Variants in CATSPERG observed in about 807,000 individuals in gnomAD.
CATSPERG encodes cation channel sperm-associated auxiliary subunit gamma.
CATSPERG carries 115 observed loss-of-function variants against 145.0 expected under a neutral mutation model. The ratio of observed to expected loss-of-function variants is 0.79; its 90% CI spans 0.68 to 0.93. CATSPERG has a LOEUF of 0.93. Ranked by LOEUF, CATSPERG falls within the 40% of genes least tolerant of loss-of-function variation. The probability of loss-of-function intolerance (pLI) is 0.00; values close to 1 mark genes in which losing one functional copy is unlikely to be tolerated. For synonymous variants in CATSPERG, 588 were observed against 589.0 expected (o/e 1.00, Z 0.02); for missense variants, 1,296 against 1,490.1 (o/e 0.87, Z 2.14).
intron 20 of CATSPERG, 39 bp downstream of exon 20, chr19:38,362,871 GTTTTT>G (rs553363428): frequency 3.2e-3 from 1,427 of 451,372 alleles, no homozygotes; most frequent in Middle Eastern, 3.8e-3. Context: ...GGGAGGTTTT[GTTTTT>G]TTTTTTTTTT....
At position 38,362,420 on chromosome 19, in the gene CATSPERG, C is replaced by A; in HGVS notation, c.2202C>A (p.Gly734=). 1 of 1,614,112 alleles carries A rather than the reference C, an allele frequency of 6.2e-7. No individual in the cohort carries two copies. The highest frequency in any genetic ancestry group is 8.5e-7 in the Non-Finnish European group (1 of 1,180,032). Residue 734 remains glycine, a synonymous_variant, in exon 19 of 29, where the codon GGC becomes GGA. Coordinates refer to ENST00000409235, the MANE Select transcript of CATSPERG (RefSeq NM_021185.5). ...CGAGCAATTGGCGAAGCGCGGGCGG[C>A]GTGTCCATAGAAATGGACAGCTACG... ...FLASNWRSAG[G]VSIEMDSYEK...
At chr19:38,357,353 A>T (rs1347196679) in intron 11 of CATSPERG, among the ~76,000 whole-genome samples, 3 of 144 alleles carry the variant, frequency 0.021, no homozygotes, top group Non-Finnish European at 0.045. Flanking sequence ...TCTACAAATT[A>T]AAAAAAAAAA....
At chr19:38,346,775 AGGTTCAAACCCT>A in intron 7 of CATSPERG, 170 bp downstream of exon 7, 1 of 651,026 alleles carries the variant, frequency 1.5e-6, no homozygotes, top group Non-Finnish European at 2.4e-6. Flanking sequence ...CAGAGGGCCT[AGGTTCAAACCCT>A]GGTTCTGCCA....
chr19:38,367,892 A>G, intron 25 of CATSPERG, 116 bp downstream of exon 25: 2 of 1,190,942 alleles, frequency 1.7e-6, no homozygotes, highest in Non-Finnish European at 2.5e-6. Flanking sequence ...CCCTGCCCAC[A>G]GTGGGGCTCT....
chr19:38,352,683 G>T (rs941498443), intron 8 of CATSPERG, among the ~76,000 whole-genome samples: 3 of 149,738 alleles, frequency 2.0e-5, no homozygotes, highest in Non-Finnish European at 4.4e-5. Context: ...AAGAGGGGGT[G>T]CGAGAGTAAA....
intron 7 of CATSPERG, among the ~76,000 whole-genome samples, chr19:38,351,920 C>T (rs1199604108): frequency 1.3e-5 from 2 of 152,050 alleles, no homozygotes; most frequent in Admixed American, 6.6e-5. Flanking sequence ...AAAAAATGTC[C>T]CTTGGGGCGA....
rs1384695874 is a variant in CATSPERG at position 38,337,329 on chromosome 19, C to T, written c.95C>T (p.Ser32Leu). 14 of 1,551,404 alleles carry T rather than the reference C, an allele frequency of 9.0e-6. No individual in the cohort carries two copies. In the East Asian group the frequency reaches 3.4e-4, roughly 38 times the overall value. Residue 32 changes from serine (S) to leucine (L), a missense_variant, in exon 2 of 29, where the codon TCG (serine) becomes TTG (leucine). Ser to Leu is a moderately radical substitution (Grantham distance 145, BLOSUM62 -2). Coordinates refer to ENST00000409235, the MANE Select transcript of CATSPERG (RefSeq NM_021185.5). ...LWALLAVLLA[S>L]WRLWAIKDFQ... ...GCCCTGCTGGCAGTGCTCCTGGCGT[C>T]GTGGAGGCTGTGGGCGATCAAGGAT... is the stretch of plus-strand genomic sequence containing the variant.
chr19:38,360,179 G>A (rs1970319476), intron 14 of CATSPERG: 2 of 985,284 alleles, frequency 2.0e-6, no homozygotes, highest in African/African-American at 1.7e-5. Context: ...TCGGCTCTAG[G>A]AACCGTGGCT....
At position 38,359,574 on chromosome 19, in the gene CATSPERG, CGGA is replaced by C; in HGVS notation, c.1607_1608+1del. On this transcript the variant is annotated inframe_deletion, in exon 14 of 29. Coordinates refer to ENST00000409235, the MANE Select transcript of CATSPERG (RefSeq NM_021185.5). ...GGGGCTGTGGCTATTGTCACAGAGA[CGGA>C]GGAGGTGGGCTGCCCCGCCCCTCTC... is the stretch of plus-strand genomic sequence containing the variant. 1 of 1,612,254 alleles carries C rather than the reference CGGA, an allele frequency of 6.2e-7. No homozygotes were observed. The highest frequency in any genetic ancestry group is 8.5e-7 in the Non-Finnish European group (1 of 1,179,128).
At chr19:38,356,197 A>T (rs1329011631) in intron 9 of CATSPERG, among the ~76,000 whole-genome samples, 1 of 152,174 alleles carries the variant, frequency 6.6e-6, no homozygotes, top group Non-Finnish European at 1.5e-5. Flanking sequence ...CGCCAAGAGA[A>T]TGAAGACAGC....
At chr19:38,346,140 G>T (rs757897726) in intron 6 of CATSPERG, among the ~76,000 whole-genome samples, 34 of 152,186 alleles carry the variant, frequency 2.2e-4, no homozygotes, top group Non-Finnish European at 1.2e-4. Context: ...CATTGAGGAG[G>T]TTAAGCTTCC....
chr19:38,362,652 C>A (rs1381449758), intron 19 of CATSPERG, 62 bp from the exon 20 acceptor site: 5 of 1,604,214 alleles, frequency 3.1e-6, no homozygotes, highest in Non-Finnish European at 4.3e-6. Context: ...GGCGGGGACA[C>A]CATCGGAGGG....
intron 7 of CATSPERG, among the ~76,000 whole-genome samples, chr19:38,351,050 C>T (rs921787523): frequency 1.3e-5 from 2 of 152,114 alleles, no homozygotes; most frequent in Non-Finnish European, 2.9e-5. Flanking sequence ...GAGGCTGCAT[C>T]TTCTCAAGCC....
intron 1 of CATSPERG, 156 bp from the exon 2 acceptor site, chr19:38,337,065 G>A: frequency 1.2e-6 from 1 of 861,724 alleles, no homozygotes; most frequent in South Asian, 1.7e-5. Context: ...AAGAGCAGGG[G>A]CGGGACCAAG....
Position 38,370,606 on chromosome 19 carries a change from C to T in CATSPERG, c.3294C>T (p.Cys1098=). ...TGTGGCCCCTCGTGGTGAAGGGCTGCACGATGATCCGGTGGAAGATAAACA... is the reference window on the plus strand; with the variant it reads ...TGTGGCCCCTCGTGGTGAAGGGCTGTACGATGATCCGGTGGAAGATAAACA... ...CLLWPLVVKG[C]TMIRWKINNL... The change falls in exon 29 of 29, where the codon TGC becomes TGT. Residue 1098 remains cysteine, a synonymous_variant. Transcript: ENST00000409235. 6.2e-7 allele frequency: 1 copy of T among 1,614,164 alleles called. No individual in the cohort carries two copies.
chr19:38,343,888 TGGAGGCAGGTATGG>T (rs1568372213), intron 4 of CATSPERG, 91 bp from the exon 5 acceptor site: 2 of 1,447,804 alleles, frequency 1.4e-6, no homozygotes, highest in Non-Finnish European at 1.9e-6. Flanking sequence ...ACCCATGGCG[TGGAGGCAGGTATGG>T]GGAGTTGTGG....
chr19:38,336,079 G>A (rs1188356890), intron 1 of CATSPERG: 2 of 410,488 alleles, frequency 4.9e-6, no homozygotes, highest in Non-Finnish European at 1.0e-5. Context: ...GGAGCCGAAC[G>A]TGAAGGGCGA....
intron 26 of CATSPERG, among the ~76,000 whole-genome samples, chr19:38,369,075 C>G (rs553861441): frequency 6.6e-6 from 1 of 151,998 alleles, no homozygotes; most frequent in Admixed American, 6.6e-5. Flanking sequence ...CAATTCGTGG[C>G]AGGCATTTAT....
At chr19:38,369,040 T>C (rs749541611) in intron 26 of CATSPERG, among the ~76,000 whole-genome samples, 11 of 151,980 alleles carry the variant, frequency 7.2e-5, no homozygotes. Flanking sequence ...ATGTATTGAA[T>C]GAAAGAATGA....
Sources: allele counts gnomAD v4.1 joint callset (sites outside exome capture counted in the v4.1 genomes callset), GRCh38; gene constraint gnomAD v4.1.1; transcripts MANE v1.5; gene names NCBI Gene and HGNC (gene_info 2026-07-23, HGNC 2026-07-21).